LIN7A: variants seen among roughly 807,000 people sequenced by gnomAD.
LIN7A encodes protein lin-7 homolog A.
Under a neutral mutation model 29.8 loss-of-function variants are expected in LIN7A, and 25 were observed. The observed-to-expected ratio is 0.84, with a 90% CI of 0.61 to 1.17. The LOEUF (loss-of-function observed/expected upper bound fraction) is 1.17. Among genes scored for constraint, LIN7A ranks in the 50% most tolerant of loss-of-function variants. The pLI, the probability that LIN7A is intolerant of heterozygous loss-of-function variation, is 0.00. For missense variants in LIN7A, 239 were observed against 287.0 expected (o/e 0.83, Z 1.21); for synonymous variants, 118 against 107.5 (o/e 1.10, Z -0.60).
chr12:80,930,864 A>T (rs748026585), intron 1 of LIN7A, among the ~76,000 whole-genome samples: 7 of 152,232 alleles, frequency 4.6e-5, no homozygotes, highest in Non-Finnish European at 8.8e-5. Context: ...AATCCATGAC[A>T]GCTAAGTCTT....
intron 4 of LIN7A, among the ~76,000 whole-genome samples, chr12:80,836,157 C>A (rs1314134085): frequency 1.3e-5 from 2 of 152,128 alleles, no homozygotes; most frequent in Non-Finnish European, 2.9e-5. Context: ...CTTAAAACTC[C>A]ATTGGTTGGC....
At chr12:80,836,888 G>C (rs1251431866) in intron 4 of LIN7A, among the ~76,000 whole-genome samples, 1 of 151,594 alleles carries the variant, frequency 6.6e-6, no homozygotes, top group Non-Finnish European at 1.5e-5. Context: ...AATATCTGAA[G>C]GTCTTTGCTG....
chr12:80,923,022 G>A (rs1216410993), intron 1 of LIN7A, among the ~76,000 whole-genome samples: 1 of 152,124 alleles, frequency 6.6e-6, no homozygotes, highest in Non-Finnish European at 1.5e-5. Flanking sequence ...TGTCTGTGAG[G>A]GTGTTTCTGG....
Position 80,811,572 on chromosome 12 carries a change from G to T in LIN7A, c.595C>A (p.Arg199Ser). 1.2e-6 allele frequency: 2 copies of T among 1,614,058 alleles called. No individual in the cohort carries two copies. Among genetic ancestry groups the T allele is most frequent in the Non-Finnish European group, 1.7e-6 (2 of 1,180,012 alleles). ...CTGGCTGTTCGTAGCTTTTCAAAGCGAGCCTCCATTTCTTCCAGAACTTTT... is the reference window on the plus strand; with the variant it reads ...CTGGCTGTTCGTAGCTTTTCAAAGCTAGCCTCCATTTCTTCCAGAACTTTT... ...TPKVLEEMEA[R>S]FEKLRTARRR... is the part of the protein sequence containing the mutation. Residue 199 changes from arginine to serine, a missense_variant, in exon 5 of 6, where the codon CGC (arginine) becomes AGC (serine). Transcript: ENST00000552864.
At chr12:80,802,177 G>A (rs556339299) in intron 5 of LIN7A, among the ~76,000 whole-genome samples, 1 of 152,214 alleles carries the variant, frequency 6.6e-6, no homozygotes, top group East Asian at 1.9e-4. Flanking sequence ...ACAGGTGTGA[G>A]CCACCGCACC....
At chr12:80,833,020 G>A (rs1168885351) in intron 4 of LIN7A, among the ~76,000 whole-genome samples, 1 of 152,098 alleles carries the variant, frequency 6.6e-6, no homozygotes, top group African/African-American at 2.4e-5. Flanking sequence ...AATTTCAAGG[G>A]TGAGAAATCC....
At chr12:80,840,994 C>T (rs1424381687) in intron 4 of LIN7A, among the ~76,000 whole-genome samples, 2 of 152,112 alleles carry the variant, frequency 1.3e-5, no homozygotes, top group Non-Finnish European at 2.9e-5. Context: ...AGATGACTAC[C>T]CCATGACTTT....
At chr12:80,873,520 G>A (rs902165630) in intron 2 of LIN7A, among the ~76,000 whole-genome samples, 10 of 147,446 alleles carry the variant, frequency 6.8e-5, no homozygotes, top group African/African-American at 1.0e-4. Context: ...GCAATAGAGC[G>A]AGACCCTGTC....
intron 2 of LIN7A, among the ~76,000 whole-genome samples, chr12:80,877,757 A>G (rs1716548): frequency 0.68 from 103,156 of 151,988 alleles, 39,043 homozygotes; most frequent in Non-Finnish European, 0.87. Flanking sequence ...AAAAATGTCT[A>G]TTTGTAACTT....
intron 2 of LIN7A, among the ~76,000 whole-genome samples, chr12:80,867,143 G>A (rs1476418766): frequency 1.3e-5 from 2 of 152,004 alleles, no homozygotes; most frequent in Non-Finnish European, 2.9e-5. Context: ...GTAGAGACAG[G>A]GTCTTGCCAT....
chr12:80,816,802 T>G (rs1182050644), intron 4 of LIN7A, among the ~76,000 whole-genome samples: 1 of 151,854 alleles, frequency 6.6e-6, no homozygotes, highest in Non-Finnish European at 1.5e-5. Flanking sequence ...GAAGTCTTAC[T>G]CTGTCACCCA....
At chr12:80,901,508 G>C (rs1359015876) in intron 1 of LIN7A, among the ~76,000 whole-genome samples, 1 of 150,740 alleles carries the variant, frequency 6.6e-6, no homozygotes, top group African/African-American at 2.4e-5. Context: ...TATTGGTAGT[G>C]TTCCATCTGT....
intron 1 of LIN7A, among the ~76,000 whole-genome samples, chr12:80,924,201 T>C (rs1877458060): frequency 6.6e-6 from 1 of 152,192 alleles, no homozygotes; most frequent in Non-Finnish European, 1.5e-5. Flanking sequence ...GAAAGAATAA[T>C]CAAAGGAATG....
intron 1 of LIN7A, among the ~76,000 whole-genome samples, chr12:80,919,166 T>C (rs960173554): frequency 2.0e-5 from 3 of 152,228 alleles, no homozygotes; most frequent in Admixed American, 6.5e-5. Flanking sequence ...GATGTACAAA[T>C]AAGCACCAAA....
chr12:80,848,175 C>T, intron 3 of LIN7A, 76 bp downstream of exon 3: 1 of 1,079,952 alleles, frequency 9.3e-7, no homozygotes, highest in Non-Finnish European at 1.4e-6. Context: ...CACGAGAATA[C>T]CTGAAACACA....
At chr12:80,834,104 A>G (rs567396605) in intron 4 of LIN7A, among the ~76,000 whole-genome samples, 6 of 152,306 alleles carry the variant, frequency 3.9e-5, no homozygotes, top group African/African-American at 1.4e-4. Context: ...ACTGCCCAGA[A>G]TCCTCAACTC....
intron 3 of LIN7A, 101 bp downstream of exon 3, chr12:80,848,150 C>A: frequency 1.2e-6 from 1 of 862,088 alleles, no homozygotes. Context: ...TGTCTAAATT[C>A]TCTTACAGTG....
At chr12:80,892,873 C>G (rs1875697572) in intron 1 of LIN7A, among the ~76,000 whole-genome samples, 5 of 152,070 alleles carry the variant, frequency 3.3e-5, no homozygotes, top group Admixed American at 2.6e-4. Context: ...CTGTGTGATT[C>G]TAATATGCAG....
chr12:80,866,228 G>T (rs534792239), intron 2 of LIN7A, among the ~76,000 whole-genome samples: 14 of 152,220 alleles, frequency 9.2e-5, no homozygotes, highest in Non-Finnish European at 1.8e-4. Flanking sequence ...ATATTTAATG[G>T]ATACAAAGCT....
Sources: gnomAD v4.1 joint callset for allele counts (sites outside exome capture counted in the v4.1 genomes callset) on GRCh38, gnomAD v4.1.1 for gene constraint, MANE v1.5 for transcripts, NCBI Gene and HGNC (gene_info 2026-07-23, HGNC 2026-07-21) for gene names.